The following SDK1 variants were observed in gnomAD, a reference collection of about 807,000 sequenced individuals.
SDK1 encodes the protein protein sidekick-1.
A neutral mutation model predicts 245.5 loss-of-function variants in SDK1; 157 were observed. The ratio of observed to expected loss-of-function variants is 0.64; its 90% CI spans 0.56 to 0.73. The LOEUF (loss-of-function observed/expected upper bound fraction) is 0.73, where lower values mean the gene tolerates loss of function less well. SDK1 is among the 30% of genes least tolerant of loss of function. The pLI is 0.00. For missense variants in SDK1, 3,583 were observed against 3,002.3 expected (o/e 1.19, Z -4.52); for synonymous variants, 1,647 against 1,278.5 (o/e 1.29, Z -6.15).
chr7:3,711,110 G>A (rs1785038176), intron 4 of SDK1, among the ~76,000 whole-genome samples: 1 of 152,166 alleles, frequency 6.6e-6, no homozygotes, highest in Non-Finnish European at 1.5e-5. Flanking sequence ...GTATCCAAAA[G>A]TTTGAATTGT....
At chr7:3,778,889 G>A (rs765319534) in intron 4 of SDK1, among the ~76,000 whole-genome samples, 2 of 152,164 alleles carry the variant, frequency 1.3e-5, no homozygotes, top group Admixed American at 6.5e-5. Context: ...AGACTAGCTG[G>A]CAGCACTATA....
intron 4 of SDK1, among the ~76,000 whole-genome samples, chr7:3,817,433 G>C (rs1422705359): frequency 6.6e-6 from 1 of 152,222 alleles, no homozygotes; most frequent in East Asian, 1.9e-4. Context: ...ATTAAATAGT[G>C]AAACAGTTAC....
At chr7:3,658,552 C>G (rs1396293897) in intron 4 of SDK1, among the ~76,000 whole-genome samples, 2 of 151,018 alleles carry the variant, frequency 1.3e-5, no homozygotes, top group East Asian at 3.9e-4. Flanking sequence ...CACAAAAGCA[C>G]CTAATTCAGT....
intron 28 of SDK1, 157 bp downstream of exon 28, chr7:4,132,580 A>G: frequency 3.5e-6 from 2 of 575,628 alleles, no homozygotes; most frequent in Non-Finnish European, 6.4e-6. Context: ...TCAGACTATT[A>G]GCCGGGCATG....
At chr7:3,458,641 A>T (rs1240226520) in intron 1 of SDK1, among the ~76,000 whole-genome samples, 1 of 152,122 alleles carries the variant, frequency 6.6e-6, no homozygotes, top group African/African-American at 2.4e-5. Context: ...ATTCCAGAGT[A>T]GGAGGTAGAT....
At chr7:3,756,042 A>G (rs1278955327) in intron 4 of SDK1, among the ~76,000 whole-genome samples, 1 of 150,640 alleles carries the variant, frequency 6.6e-6, no homozygotes, top group Non-Finnish European at 1.5e-5. Flanking sequence ...CACATGTGAC[A>G]TATGTATATC....
intron 1 of SDK1, among the ~76,000 whole-genome samples, chr7:3,532,468 G>C (rs1293955013): frequency 2.0e-5 from 3 of 152,150 alleles, no homozygotes; most frequent in African/African-American, 7.2e-5. Flanking sequence ...TGGTAGCTTT[G>C]CCTCCTCTTC....
chr7:3,820,980 G>C (rs771259167), intron 4 of SDK1, among the ~76,000 whole-genome samples: 1 of 152,206 alleles, frequency 6.6e-6, no homozygotes, highest in Non-Finnish European at 1.5e-5. Context: ...TTCCTTCTAC[G>C]CACCAGTGTA....
In SDK1 at chr7:3,971,493, A is replaced by G; in HGVS notation, c.1742A>G (p.Glu581Gly). The change falls in exon 12 of 45, where the codon GAG becomes GGG. Residue 581 changes from glutamate to glycine, a missense_variant. Glu to Gly is a moderately conservative substitution (Grantham distance 98, BLOSUM62 -2). Transcript: ENST00000404826. ...CGGACGTCCATCGTCCACCCTCCTGAGGACCACGTGGTGATTAAGGGGACC... is the reference window on the plus strand; with the variant it reads ...CGGACGTCCATCGTCCACCCTCCTGGGGACCACGTGGTGATTAAGGGGACC... ...WNRTSIVHPP[E>G]DHVVIKGTTA... 6.2e-7 allele frequency: 1 copy of G among 1,613,370 alleles called. No individual in the cohort carries two copies. The highest frequency in any genetic ancestry group is 8.5e-7 in the Non-Finnish European group (1 of 1,179,570).
chr7:3,750,523 T>A (rs190163594), intron 4 of SDK1, among the ~76,000 whole-genome samples: 2 of 152,076 alleles, frequency 1.3e-5, no homozygotes, highest in Non-Finnish European at 2.9e-5. Context: ...CGAGAGAGAT[T>A]GAGAGGGATT....
chr7:3,401,932 T>TA (rs1194510693), intron 1 of SDK1, among the ~76,000 whole-genome samples: 1 of 152,148 alleles, frequency 6.6e-6, no homozygotes, highest in Non-Finnish European at 1.5e-5. Context: ...ATCATGTTCT[T>TA]ACGTATGTGT....
intron 25 of SDK1, among the ~76,000 whole-genome samples, chr7:4,124,304 A>G (rs1028759536): frequency 1.3e-5 from 2 of 152,194 alleles, no homozygotes; most frequent in East Asian, 1.9e-4. Context: ...TCTGAGCTGG[A>G]GGTGTTGGCA....
intron 4 of SDK1, among the ~76,000 whole-genome samples, chr7:3,770,752 T>A (rs565682005): frequency 1.7e-4 from 26 of 152,276 alleles, no homozygotes; most frequent in Admixed American, 1.6e-3. Flanking sequence ...ATCCCTTGCC[T>A]GTGCTGCCAG....
chr7:3,895,130 A>T (rs1781569203), intron 5 of SDK1, among the ~76,000 whole-genome samples: 1 of 152,244 alleles, frequency 6.6e-6, no homozygotes, highest in Non-Finnish European at 1.5e-5. Context: ...TTCACCAGGC[A>T]TGGAGGATAT....
chr7:3,510,628 G>T (rs1214398322), intron 1 of SDK1, among the ~76,000 whole-genome samples: 1 of 152,130 alleles, frequency 6.6e-6, no homozygotes, highest in Non-Finnish European at 1.5e-5. Context: ...TTAGTGGCAA[G>T]ACAAGTAATG....
intron 1 of SDK1, among the ~76,000 whole-genome samples, chr7:3,463,513 A>G (rs1238192995): frequency 1.3e-5 from 2 of 152,224 alleles, no homozygotes; most frequent in African/African-American, 2.4e-5. Flanking sequence ...ATTATATACA[A>G]TAATATAATT....
chr7:3,786,433 G>C (rs1780901586), intron 4 of SDK1, among the ~76,000 whole-genome samples: 1 of 152,146 alleles, frequency 6.6e-6, no homozygotes, highest in Non-Finnish European at 1.5e-5. Context: ...ATACCAGATA[G>C]TTTTGTGTTC....
intron 1 of SDK1, among the ~76,000 whole-genome samples, chr7:3,316,940 G>T (rs796142691): frequency 3.9e-5 from 6 of 152,134 alleles, no homozygotes; most frequent in African/African-American, 1.4e-4. Flanking sequence ...GGCATTTTGG[G>T]AGGCTGAGGT....
chr7:4,010,994 C>A lies in SDK1; in HGVS notation c.2160C>A (p.Asn720Lys), dbSNP rs747949026. 2 of 1,614,212 alleles carry A rather than the reference C, an allele frequency of 1.2e-6. No homozygotes were observed. The highest frequency in any genetic ancestry group is 1.1e-5 in the South Asian group (1 of 91,080). The change falls in exon 15 of 45, where the codon AAC (asparagine) becomes AAA (lysine). Residue 720 changes from asparagine to lysine, a missense_variant. Transcript: ENST00000404826. ...NNSPWKVHLS[N>K]VGPEMTGVTV... is the part of the protein sequence containing the mutation. ...CTCCATGGAAGGTGCATCTGTCAAACGTTGGCCCTGAGATGACAGGCGTCA... is the reference window on the plus strand; with the variant it reads ...CTCCATGGAAGGTGCATCTGTCAAAAGTTGGCCCTGAGATGACAGGCGTCA...
Sources: gnomAD v4.1 joint callset for allele counts (sites outside exome capture counted in the v4.1 genomes callset) on GRCh38, gnomAD v4.1.1 for gene constraint, MANE v1.5 for transcripts, NCBI Gene and HGNC (gene_info 2026-07-23, HGNC 2026-07-21) for gene names.